ANK3: variants seen among roughly 807,000 people sequenced by gnomAD.
ANK3 encodes ankyrin-3.
In ANK3, 57 loss-of-function variants were observed where a neutral mutation model predicts 370.9. That is an observed-to-expected ratio of 0.15 (90% CI 0.12 to 0.19). ANK3 has a LOEUF of 0.19. Ranked by LOEUF, ANK3 falls within the 10% of genes least tolerant of loss-of-function variation. The pLI, the probability that ANK3 is intolerant of heterozygous loss-of-function variation, is 1.00. For missense variants in ANK3, 4,439 were observed against 5,302.1 expected, an observed-to-expected ratio of 0.84 and a Z score of 5.06; for synonymous variants, 1,929 against 1,946.3, an observed-to-expected ratio of 0.99 and a Z score of 0.23.
chr10:60,457,331 C>T (rs557805496), intron 2 of ANK3, among the ~76,000 whole-genome samples: 2 of 152,208 alleles, frequency 1.3e-5, no homozygotes, highest in South Asian at 4.1e-4. Flanking sequence ...AAGTTGCCCT[C>T]ATAATGGAGA....
chr10:60,037,538 T>C (rs7100890), intron 43 of ANK3, among the ~76,000 whole-genome samples: 59,065 of 151,972 alleles, frequency 0.39, 12,553 homozygotes, highest in African/African-American at 0.57. Context: ...TGAGAACATA[T>C]GGTATTTGGT....
chr10:60,158,116 G>T (rs1476244891), intron 23 of ANK3, among the ~76,000 whole-genome samples: 1 of 152,026 alleles, frequency 6.6e-6, no homozygotes, highest in Non-Finnish European at 1.5e-5. Context: ...CAAGGATAAA[G>T]AAAGAATCCT....
intron 43 of ANK3, 129 bp downstream of exon 43, chr10:60,042,543 T>C (rs2076281358): frequency 1.1e-6 from 1 of 923,402 alleles, no homozygotes; most frequent in Admixed American, 2.8e-5. Flanking sequence ...AACAACTTCG[T>C]ATTTGATTTT....
intron 2 of ANK3, among the ~76,000 whole-genome samples, chr10:60,445,566 G>A (rs572027495): frequency 3.3e-5 from 5 of 150,110 alleles, no homozygotes; most frequent in South Asian, 2.1e-4. Flanking sequence ...AAAAAGGAGC[G>A]CTGAAATTCA....
intron 1 of ANK3, among the ~76,000 whole-genome samples, chr10:60,334,544 T>G (rs1316681714): frequency 6.6e-6 from 1 of 152,196 alleles, no homozygotes; most frequent in African/African-American, 2.4e-5. Context: ...AATTTTCTGA[T>G]TGATCCCAAG....
chr10:60,109,842 G>C (rs1036865143), intron 26 of ANK3, among the ~76,000 whole-genome samples: 6 of 152,102 alleles, frequency 3.9e-5, no homozygotes, highest in African/African-American at 1.4e-4. Context: ...TGTTATTTTT[G>C]GGTAGAAGCA....
At chr10:60,084,923 A>G in intron 31 of ANK3, 93 bp from the exon 32 acceptor site, 1 of 983,954 alleles carries the variant, frequency 1.0e-6, no homozygotes, top group Non-Finnish European at 1.5e-6. Flanking sequence ...GAATATGTAA[A>G]GGAACTAACC....
At chr10:60,276,711 C>CT (rs758715928) in intron 4 of ANK3, among the ~76,000 whole-genome samples, 78 of 152,302 alleles carry the variant, frequency 5.1e-4, no homozygotes, top group Admixed American at 3.8e-3. Context: ...CATGGCTACT[C>CT]TAACCATTAA....
intron 1 of ANK3, among the ~76,000 whole-genome samples, chr10:60,639,433 A>C (rs10994446): frequency 1.3e-5 from 2 of 150,760 alleles, no homozygotes; most frequent in Non-Finnish European, 3.0e-5. Context: ...AAATATAAGA[A>C]GTAATTTTAA....
At chr10:60,354,864 TTC>T (rs2057478695) in intron 1 of ANK3, among the ~76,000 whole-genome samples, 1 of 148,228 alleles carries the variant, frequency 6.7e-6, no homozygotes, top group African/African-American at 2.6e-5. Context: ...AAGAAAAATT[TTC>T]TTTTGTATTT....
intron 9 of ANK3, among the ~76,000 whole-genome samples, chr10:60,211,915 G>GA (rs915597947): frequency 2.3e-5 from 3 of 133,188 alleles, no homozygotes; most frequent in Admixed American, 2.2e-4. Flanking sequence ...AAAAAAAAAG[G>GA]AAAAAAAGGA....
intron 8 of ANK3, among the ~76,000 whole-genome samples, chr10:60,218,593 T>C (rs997029054): frequency 6.6e-6 from 1 of 152,120 alleles, no homozygotes; most frequent in African/African-American, 2.4e-5. Context: ...CTTTTCCTTA[T>C]GAATGTTGAA....
intron 2 of ANK3, among the ~76,000 whole-genome samples, chr10:60,523,289 T>C (rs2076391591): frequency 1.3e-5 from 2 of 152,122 alleles, no homozygotes; most frequent in South Asian, 4.1e-4. Flanking sequence ...GTGCACAATG[T>C]GCAGGTTAGT....
intron 1 of ANK3, among the ~76,000 whole-genome samples, chr10:60,377,221 C>G (rs1164160268): frequency 6.6e-6 from 1 of 152,228 alleles, no homozygotes; most frequent in East Asian, 1.9e-4. Context: ...TCAGTGACCT[C>G]TGAAGCTGTG....
At chr10:60,455,306 A>T (rs191633052) in intron 2 of ANK3, among the ~76,000 whole-genome samples, 20 of 152,318 alleles carry the variant, frequency 1.3e-4, no homozygotes, top group African/African-American at 4.3e-4. Context: ...GAATACTGAA[A>T]CATTCCTGAT....
At chr10:60,541,983 C>T (rs1021016997) in intron 2 of ANK3, among the ~76,000 whole-genome samples, 1 of 151,890 alleles carries the variant, frequency 6.6e-6, no homozygotes, top group African/African-American at 2.4e-5. Context: ...TTCCTTGGGA[C>T]TGAGCTGCCA....
intron 2 of ANK3, among the ~76,000 whole-genome samples, chr10:60,589,994 T>G (rs1388670778): frequency 1.3e-5 from 2 of 152,248 alleles, no homozygotes; most frequent in Non-Finnish European, 1.5e-5. Context: ...CCACAAATTC[T>G]TTTTTATGTT....
At chr10:60,505,083 T>C (rs2075900952) in intron 2 of ANK3, among the ~76,000 whole-genome samples, 3 of 152,148 alleles carry the variant, frequency 2.0e-5, no homozygotes, top group Admixed American at 1.3e-4. Flanking sequence ...CATTTTGTAA[T>C]ATTTCAGCGC....
At chr10:60,308,277 AC>A in intron 1 of ANK3, among the ~76,000 whole-genome samples, 1 of 145,732 alleles carries the variant, frequency 6.9e-6, no homozygotes, top group East Asian at 2.0e-4. Flanking sequence ...GAGACCCTTG[AC>A]TTTGGAGGGA....
Sources: allele counts gnomAD v4.1 joint callset (sites outside exome capture counted in the v4.1 genomes callset), GRCh38; gene constraint gnomAD v4.1.1; transcripts MANE v1.5; gene names NCBI Gene and HGNC (gene_info 2026-07-23, HGNC 2026-07-21).